STAT5B: variants seen among roughly 807,000 people sequenced by gnomAD.
STAT5B encodes the protein transcription factor STAT5B.
A neutral mutation model predicts 107.8 loss-of-function variants in STAT5B; 21 were observed. That is an observed-to-expected ratio of 0.19 (90% CI 0.14 to 0.28). The LOEUF (loss-of-function observed/expected upper bound fraction) is 0.28. STAT5B is among the 10% of genes least tolerant of loss of function. The pLI is 1.00. For missense variants in STAT5B, 565 were observed against 1,008.2 expected (o/e 0.56, Z 5.95); for synonymous variants, 325 against 401.7 (o/e 0.81, Z 2.28).
In STAT5B at chr17:42,256,861, C is replaced by CAAAAAAAAA. The variant is rs781345676; in HGVS notation, c.-11+19378_-11+19386dup. On this transcript the variant is annotated intron_variant, in intron 1 of 18. Coordinates refer to ENST00000293328, the MANE Select transcript of STAT5B (RefSeq NM_012448.4). ...TGGGTGACAGAGCGAGACTCTGTCT[C>CAAAAAAAAA]AAAAAAAAAAAAAAAAAAAAAAAAA... Among the ~76,000 whole-genome samples the CAAAAAAAAA allele has an allele frequency of 4.5e-4, 20 of 44,812 alleles. 1 individual carries two copies. The highest frequency in any genetic ancestry group is 1.8e-3 in the African/African-American group (19 of 10,638). 29.4% of individuals were successfully genotyped at this position (44,812 alleles called of 152,430 possible). A position where few individuals can be genotyped will look rare whatever the true frequency, so the allele number is the denominator to read the frequency against.
intron 2 of STAT5B, among the ~76,000 whole-genome samples, chr17:42,231,183 A>T (rs1428154591): frequency 3.3e-5 from 5 of 152,066 alleles, no homozygotes; most frequent in African/African-American, 4.8e-5. Context: ...TATTATTATT[A>T]TTTTTTGACA....
At chr17:42,265,276 C>T (rs2080657933) in intron 1 of STAT5B, among the ~76,000 whole-genome samples, 1 of 152,090 alleles carries the variant, frequency 6.6e-6, no homozygotes, top group African/African-American at 2.4e-5. Context: ...GACATGAAGT[C>T]CTTGCCCATG....
At chr17:42,204,464 G>A (rs1348173337) in intron 16 of STAT5B, among the ~76,000 whole-genome samples, 1 of 152,204 alleles carries the variant, frequency 6.6e-6, no homozygotes, top group Non-Finnish European at 1.5e-5. Flanking sequence ...AAACGCTGCA[G>A]GGTTCACCAA....
chr17:42,232,398 A>G (rs1470602136), intron 1 of STAT5B, among the ~76,000 whole-genome samples: 2 of 151,694 alleles, frequency 1.3e-5, no homozygotes, highest in African/African-American at 2.4e-5. Flanking sequence ...ACAGGGGCAC[A>G]CTACCATGCT....
chr17:42,254,685 G>A (rs1410897158), intron 1 of STAT5B, among the ~76,000 whole-genome samples: 1 of 151,260 alleles, frequency 6.6e-6, no homozygotes, highest in East Asian at 1.9e-4. Flanking sequence ...AAATGAGAAT[G>A]AAAAAGAAAG....
chr17:42,223,594 T>TG (rs1238837861), intron 4 of STAT5B, 38 bp from the exon 5 acceptor site: 4 of 1,609,998 alleles, frequency 2.5e-6, no homozygotes, highest in Non-Finnish European at 3.4e-6. Context: ...GCAGTGCGAA[T>TG]GGGAGGAAGA....
At chr17:42,220,721 C>A (rs149129265) in intron 5 of STAT5B, among the ~76,000 whole-genome samples, 2,941 of 150,516 alleles carry the variant, frequency 0.02, 37 homozygotes, top group Non-Finnish European at 0.028. Flanking sequence ...AGGCGGCTTC[C>A]CTCCACACCA....
upstream of STAT5B, among the ~76,000 whole-genome samples, chr17:42,278,702 C>T (rs1342274345): frequency 2.0e-5 from 3 of 152,006 alleles, no homozygotes; most frequent in Admixed American, 1.3e-4. Flanking sequence ...ATTTGTAGGC[C>T]GGGCACGGTG....
At chr17:42,256,637 G>A (rs1430033678) in intron 1 of STAT5B, among the ~76,000 whole-genome samples, 1 of 151,842 alleles carries the variant, frequency 6.6e-6, no homozygotes, top group Non-Finnish European at 1.5e-5. Context: ...AGGCGAGCAG[G>A]TCACGAGGTT....
At chr17:42,272,943 C>T (rs1455117237) in intron 1 of STAT5B, among the ~76,000 whole-genome samples, 1 of 152,180 alleles carries the variant, frequency 6.6e-6, no homozygotes, top group East Asian at 1.9e-4. Flanking sequence ...GTAAAAACAG[C>T]ATAGATTTAG....
chr17:42,248,273 CAAAAAAAAAA>C (rs61401221), intron 1 of STAT5B, among the ~76,000 whole-genome samples: 3 of 69,186 alleles, frequency 4.3e-5, no homozygotes, highest in Admixed American at 1.8e-4. Flanking sequence ...AGATCTTGTC[CAAAAAAAAAA>C]AAAAAAAAAA....
At chr17:42,217,807 G>A in intron 9 of STAT5B, 3 of 439,130 alleles carry the variant, frequency 6.8e-6, no homozygotes, top group South Asian at 6.4e-5. Context: ...CAGGTTCAAG[G>A]GATTCTCCTG....
At chr17:42,271,047 T>G (rs1361436350) in intron 1 of STAT5B, 1 of 152,238 alleles carries the variant, frequency 6.6e-6, no homozygotes, top group African/African-American at 2.4e-5. Context: ...AATTGTCTGC[T>G]CACCTCTCGA....
At chr17:42,227,136 A>AAAAT (rs68033349) in intron 3 of STAT5B, among the ~76,000 whole-genome samples, 2,340 of 132,226 alleles carry the variant, frequency 0.018, 71 homozygotes, top group African/African-American at 0.058. Context: ...CTCCGTCTCA[A>AAAAT]AAATAAATAA....
intron 16 of STAT5B, among the ~76,000 whole-genome samples, chr17:42,206,586 G>A (rs937133971): frequency 3.4e-4 from 51 of 152,132 alleles, no homozygotes; most frequent in African/African-American, 1.2e-3. Context: ...CTTTTCTTTT[G>A]TTTTTGAGAC....
At chr17:42,281,158 C>A (rs190481126), upstream of STAT5B, among the ~76,000 whole-genome samples, 7,016 of 149,924 alleles carry the variant, frequency 0.047, 198 homozygotes, top group Middle Eastern at 0.082. Flanking sequence ...AAAACAAAAA[C>A]AAAAAAAAAC....
At position 42,215,198 on chromosome 17, in the gene STAT5B, G is replaced by C. The variant is rs973863298; in HGVS notation, c.1473+816C>G. Among the ~76,000 whole-genome samples, 60 of 152,138 alleles carry C rather than the reference G, an allele frequency of 3.9e-4. 1 individual carries two copies. The highest frequency in any genetic ancestry group is 8.8e-5 in the Non-Finnish European group (6 of 68,022). On this transcript the variant is annotated intron_variant, in intron 12 of 18. Coordinates refer to ENST00000293328, the MANE Select transcript of STAT5B (RefSeq NM_012448.4). ...ATCACAGAAACTAAAATTTGGAAAAGACATTTAACAGCATCTTCATTTATT... is the reference window on the plus strand; with the variant it reads ...ATCACAGAAACTAAAATTTGGAAAACACATTTAACAGCATCTTCATTTATT...
intron 1 of STAT5B, among the ~76,000 whole-genome samples, chr17:42,237,548 C>A (rs1214832387): frequency 6.6e-6 from 1 of 152,082 alleles, no homozygotes. Context: ...TATCTGCCAA[C>A]TCAGTGAATG....
At chr17:42,212,229 T>C in intron 12 of STAT5B, 39 bp from the exon 13 acceptor site, 2 of 1,614,122 alleles carry the variant, frequency 1.2e-6, no homozygotes, top group African/African-American at 1.3e-5. Context: ...GAGAAAACAG[T>C]TGCATGATTT....
Sources: allele counts gnomAD v4.1 joint callset (sites outside exome capture counted in the v4.1 genomes callset), GRCh38; gene constraint gnomAD v4.1.1; transcripts MANE v1.5; gene names NCBI Gene and HGNC (gene_info 2026-07-23, HGNC 2026-07-21).